DTX1: variants seen among roughly 807,000 people sequenced by gnomAD.
The protein encoded by DTX1 is deltex E3 ubiquitin ligase 1.
Under a neutral mutation model 57.8 loss-of-function variants are expected in DTX1, and 26 were observed. The observed-to-expected ratio is 0.45, with a 90% CI of 0.33 to 0.62. The LOEUF (loss-of-function observed/expected upper bound fraction) is 0.62, where lower values mean the gene tolerates loss of function less well. DTX1 is among the 20% of genes least tolerant of loss of function. DTX1 has a pLI of 0.02. For synonymous variants in DTX1, 398 were observed against 394.1 expected, an observed-to-expected ratio of 1.01 and a Z score of -0.12; for missense variants, 704 against 895.3, an observed-to-expected ratio of 0.79 and a Z score of 2.73.
chr12:113,061,303 T>C (rs939466793), intron 2 of DTX1, among the ~76,000 whole-genome samples: 8 of 152,140 alleles, frequency 5.3e-5, no homozygotes, highest in African/African-American at 1.9e-4. Context: ...TGGAAACCTA[T>C]TGCGATTGGC....
chr12:113,088,691 T>C (rs1380948233), intron 3 of DTX1, among the ~76,000 whole-genome samples: 2 of 152,232 alleles, frequency 1.3e-5, no homozygotes, highest in African/African-American at 4.8e-5. Context: ...ATGGGCTTTT[T>C]AAAAATAAAG....
At position 113,093,230 on chromosome 12, in the gene DTX1, T is replaced by C. The variant is rs1950260204; in HGVS notation, c.1003+7T>C. 1.3e-6 allele frequency: 2 copies of C among 1,592,286 alleles called. No homozygotes were observed. The highest frequency in any genetic ancestry group is 8.5e-7 in the Non-Finnish European group (1 of 1,169,804). The stretch of plus-strand genomic sequence containing the variant: ...GTCCATCCGGCCCTGGCAGGTGAGG[T>C]CTGGCCCAGGGCGGGAAAGAAGGGC... On this transcript the variant is annotated splice_region_variant and intron_variant, in intron 4 of 9. Transcript: ENST00000548759. The surrounding 1 kb of genome is among the most constrained non-coding windows in gnomAD (Gnocchi z 4.2).
chr12:113,094,754 C>T (rs1352499114), intron 6 of DTX1, 35 bp from the exon 7 acceptor site: 1 of 1,601,540 alleles, frequency 6.2e-7, no homozygotes, highest in South Asian at 1.1e-5. Flanking sequence ...GCCCTGCCCT[C>T]CCCAGTCCTC....
At chr12:113,089,329 G>A (rs1342204676) in intron 3 of DTX1, among the ~76,000 whole-genome samples, 1 of 152,284 alleles carries the variant, frequency 6.6e-6, no homozygotes, top group South Asian at 2.1e-4. Flanking sequence ...GGAGGAGTGA[G>A]AGCAGAGGAC....
intron 3 of DTX1, among the ~76,000 whole-genome samples, chr12:113,080,841 G>A (rs1290815112): frequency 6.6e-6 from 1 of 151,964 alleles, no homozygotes; most frequent in African/African-American, 2.4e-5. Flanking sequence ...GCCAGGCAGG[G>A]TGGTGTGCTT....
intron 2 of DTX1, among the ~76,000 whole-genome samples, chr12:113,075,313 A>T (rs1330200712): frequency 6.6e-6 from 1 of 152,168 alleles, no homozygotes; most frequent in African/African-American, 2.4e-5. Context: ...GACCCTCTGC[A>T]GCTGTTCTCA....
chr12:113,094,686 G>C (rs1013471464), intron 6 of DTX1, 103 bp from the exon 7 acceptor site: 1 of 1,437,360 alleles, frequency 7.0e-7, no homozygotes. Flanking sequence ...GGGTACCAGA[G>C]AGAGTGTGGT....
In DTX1 at chr12:113,077,896, G is replaced by T; in HGVS notation, c.732G>T (p.Ala244=). The change falls in exon 3 of 10, where the codon GCG becomes GCT. Residue 244 remains alanine (A), a synonymous_variant. Coordinates refer to ENST00000548759, the MANE Select transcript of DTX1 (RefSeq NM_004416.3). The surrounding 1 kb of genome is among the most constrained non-coding windows in gnomAD (Gnocchi z 7.8). The stretch of plus-strand genomic sequence containing the variant: ...CGCCACCTGGAGGGCCTCCAGGCGC[G>T]CTTGCCGTGCGCCCCAGCGCCACCT... ...PPPPPGGPPG[A]LAVRPSATFT... The T allele has an allele frequency of 8.0e-7, 1 of 1,254,882 alleles. No individual in the cohort carries two copies. The highest frequency in any genetic ancestry group is 9.9e-7 in the Non-Finnish European group (1 of 1,006,454). 77.7% of individuals were successfully genotyped at this position (1,254,882 alleles called of 1,614,324 possible).
At chr12:113,065,563 C>T (rs1195559608) in intron 2 of DTX1, among the ~76,000 whole-genome samples, 1 of 152,196 alleles carries the variant, frequency 6.6e-6, no homozygotes, top group Admixed American at 6.5e-5. Flanking sequence ...AGCTTCCTCC[C>T]ATCCCCCGCC....
intron 3 of DTX1, among the ~76,000 whole-genome samples, chr12:113,089,263 A>G (rs1950228154): frequency 6.6e-6 from 1 of 152,166 alleles, no homozygotes. Context: ...TTCAGAGGGT[A>G]GATGGGGGCC....
In DTX1 at chr12:113,061,579, G is replaced by A. The variant is rs77548479; in HGVS notation, c.259+3128G>A. ...GGATCACCTCTCCAGCAGGGTTGTC[G>A]GGTTGAACAGAGAGAATCTGGCTGA... On this transcript the variant is annotated intron_variant, in intron 2 of 9. Coordinates refer to ENST00000548759, the MANE Select transcript of DTX1 (RefSeq NM_004416.3). Among the ~76,000 whole-genome samples the A allele has an allele frequency of 7.5e-3, 1,143 of 152,306 alleles. 4 individuals carry two copies. The highest frequency in any genetic ancestry group is 9.1e-3 in the Non-Finnish European group (617 of 68,024).
intron 3 of DTX1, 144 bp downstream of exon 3, chr12:113,078,249 A>C: frequency 4.1e-6 from 3 of 736,708 alleles, no homozygotes; most frequent in Non-Finnish European, 5.3e-6. Flanking sequence ...CTAAATGTTC[A>C]TTTTGTGCCA....
chr12:113,090,778 T>C (rs557467742), intron 3 of DTX1, among the ~76,000 whole-genome samples: 5 of 152,320 alleles, frequency 3.3e-5, no homozygotes, highest in South Asian at 4.1e-4. Context: ...AGTGGGTGTG[T>C]GTGCGCTGCA....
chr12:113,093,426 C>T lies in DTX1; in HGVS notation c.1004-113C>T. 7.3e-7 allele frequency: 1 copy of T among 1,366,712 alleles called. No individual in the cohort carries two copies. Among genetic ancestry groups the T allele is most frequent in the Non-Finnish European group, 9.7e-7 (1 of 1,031,044 alleles). 84.7% of individuals were successfully genotyped at this position (1,366,712 alleles called of 1,614,324 possible). ...CTTCAAGGGGCTGAGTGGGTGGGGC[C>T]CAAGAGCGCAACCCTCCCACCCACC... On this transcript the variant is annotated intron_variant, in intron 4 of 9. Coordinates refer to ENST00000548759, the MANE Select transcript of DTX1 (RefSeq NM_004416.3). This position sits in a 1 kb window ranked among gnomAD's most constrained non-coding sequence, Gnocchi z 4.2.
Position 113,077,850 on chromosome 12 carries a change from C to T in DTX1, c.686C>T (p.Ala229Val). ...TCGCAGCGCCGCAAGGCGCCCCCCG[C>T]GCCCCCGCTGCCGCCGCCGCCGCCA... Reference protein sequence around the residue: ...LASQRRKAPPAPPLPPPPPPG... With the variant: ...LASQRRKAPPVPPLPPPPPPG... The change falls in exon 3 of 10, where the codon GCG becomes GTG. Residue 229 changes from alanine (A) to valine (V), a missense_variant. This residue lies in a region of DTX1 where 299 missense variants were observed against 311.2 expected (regional missense o/e 0.96). Coordinates refer to ENST00000548759, the MANE Select transcript of DTX1 (RefSeq NM_004416.3). The surrounding 1 kb of genome is among the most constrained non-coding windows in gnomAD (Gnocchi z 7.8). The T allele has an allele frequency of 7.5e-7, 1 of 1,333,816 alleles. No homozygotes were observed. The highest frequency in any genetic ancestry group is 2.1e-5 in the South Asian group (1 of 48,034). 82.6% of individuals were successfully genotyped at this position (1,333,816 alleles called of 1,614,324 possible). A position where few individuals can be genotyped will look rare whatever the true frequency, so the allele number is the denominator to read the frequency against.
At chr12:113,085,198 C>T (rs143136677) in intron 3 of DTX1, among the ~76,000 whole-genome samples, 8 of 152,260 alleles carry the variant, frequency 5.3e-5, no homozygotes, top group East Asian at 3.9e-4. Flanking sequence ...TACAGGCGCA[C>T]GCCACCAACC....
chr12:113,079,265 G>A (rs1202461604), intron 3 of DTX1, among the ~76,000 whole-genome samples: 3 of 152,130 alleles, frequency 2.0e-5, no homozygotes, highest in Non-Finnish European at 2.9e-5. Context: ...GGAAGAGAGG[G>A]CACCCAAAAC....
At chr12:113,075,627 C>T (rs554621570) in intron 2 of DTX1, among the ~76,000 whole-genome samples, 1 of 152,306 alleles carries the variant, frequency 6.6e-6, no homozygotes, top group South Asian at 2.1e-4. Flanking sequence ...GCACGCAGAG[C>T]TTTGGCAAAC....
chr12:113,065,229 A>G (rs561030029), intron 2 of DTX1, among the ~76,000 whole-genome samples: 1 of 152,196 alleles, frequency 6.6e-6, no homozygotes. Context: ...CACTTCCTAC[A>G]GTCTGTCTGG....
Sources: allele counts gnomAD v4.1 joint callset (sites outside exome capture counted in the v4.1 genomes callset), GRCh38; gene constraint gnomAD v4.1.1; regional missense constraint gnomAD v4.1.1; non-coding constraint Gnocchi (gnomAD v3.1); transcripts MANE v1.5; gene names NCBI Gene and HGNC (gene_info 2026-07-23, HGNC 2026-07-21).